WTIP: variants seen among roughly 807,000 people sequenced by gnomAD.
WTIP encodes WT1 interacting protein.
In WTIP, 23 loss-of-function variants were observed where a neutral mutation model predicts 41.7. That is an observed-to-expected ratio of 0.55 (90% CI 0.40 to 0.78). The LOEUF (loss-of-function observed/expected upper bound fraction) is 0.78. Ranked by LOEUF, WTIP falls within the 30% of genes least tolerant of loss-of-function variation. The pLI, the probability that WTIP is intolerant of heterozygous loss-of-function variation, is 0.00. For missense variants in WTIP, 619 were observed against 610.5 expected (o/e 1.01, Z -0.15); for synonymous variants, 314 against 269.9 (o/e 1.16, Z -1.60).
rs1035954383 is a variant in WTIP, at chr19:34,507,727, G to T, written c.*7458G>T. 2 of 152,336 alleles carry T rather than the reference G, an allele frequency of 1.3e-5. No homozygotes were observed. Among genetic ancestry groups the T allele is most frequent in the African/African-American group, 4.8e-5 (2 of 41,440 alleles). 9.4% of individuals were successfully genotyped at this position (152,336 alleles called of 1,614,324 possible). On this transcript the variant is annotated 3_prime_UTR_variant, in exon 8 of 8. Transcript: ENST00000590071. ...ATTGCATTATAGACTTGGACTAGGT[G>T]GATGCTATTTTTCATGGTGGTGGTG...
chr19:34,499,978 G>C, intron 7 of WTIP, 151 bp from the exon 8 acceptor site: 2 of 1,160,404 alleles, frequency 1.7e-6, no homozygotes, highest in Non-Finnish European at 2.4e-6. Flanking sequence ...TGGGATTACA[G>C]GTGTGAGCCC....
In WTIP at chr19:34,486,672, G is replaced by A. The variant is rs368694121; in HGVS notation, c.668-3704G>A. 2.6e-4 allele frequency among the ~76,000 whole-genome samples: 39 copies of A among 151,726 alleles called. No homozygotes were observed. The Middle Eastern group carries it at 0.017, about 68-fold the overall frequency. ...TGAGCCACCGCGCCTGGCCGCCTTT[G>A]TCAGTTTCCTCTCTTATTCTCTCAA... is the stretch of plus-strand genomic sequence containing the variant. On this transcript the variant is annotated intron_variant, in intron 1 of 7. Coordinates refer to ENST00000590071, the MANE Select transcript of WTIP (RefSeq NM_001080436.2).
Position 34,494,599 on chromosome 19 carries a change from A to G in WTIP, c.1045A>G (p.Lys349Glu). The G allele has an allele frequency of 6.2e-7, 1 of 1,613,728 alleles. No homozygotes were observed. The highest frequency in any genetic ancestry group is 8.5e-7 in the Non-Finnish European group (1 of 1,179,808). ...VRDYHTVFAP[K>E]CASCARPILP... ...TTATTTCTCTAGGGTTTTTGCACCA[A>G]AATGCGCCTCCTGTGCCCGTCCTAT... Residue 349 changes from lysine (K) to glutamate (E), a missense_variant, in exon 6 of 8, where the codon AAA (lysine) becomes GAA (glutamate). Lys to Glu is a moderately conservative substitution (Grantham distance 56). Around this residue, in one of 3 missense-constraint regions of WTIP, gnomAD observed 164 missense variants for 219.1 expected, o/e 0.75. Coordinates refer to ENST00000590071, the MANE Select transcript of WTIP (RefSeq NM_001080436.2).
rs1285406033 is a variant in WTIP, at chr19:34,501,049, G to C, written c.*780G>C. 6.5e-6 allele frequency: 1 copy of C among 152,708 alleles called. No homozygotes were observed. Among genetic ancestry groups the C allele is most frequent in the African/African-American group, 2.4e-5 (1 of 41,472 alleles). 9.5% of individuals were successfully genotyped at this position (152,708 alleles called of 1,614,324 possible). ...AGAGGGGCGCCCTGGCCACGCTTCA[G>C]GAAAGCCTGTGTCTGCGCGCGGGGC... On this transcript the variant is annotated 3_prime_UTR_variant, in exon 8 of 8. Coordinates refer to ENST00000590071, the MANE Select transcript of WTIP (RefSeq NM_001080436.2).
rs758989353 is a variant in WTIP, at chr19:34,493,299, G to GT, written c.875dup (p.Cys293ValfsTer29). 1 of 1,613,414 alleles carries GT rather than the reference G, an allele frequency of 6.2e-7. No individual in the cohort carries two copies. Among genetic ancestry groups the GT allele is most frequent in the South Asian group, 1.1e-5 (1 of 91,000 alleles). On this transcript the variant is annotated frameshift_variant, in exon 4 of 8. Transcript: ENST00000590071. LOFTEE classifies it high-confidence loss of function. The surrounding 1 kb of genome is among the most constrained non-coding windows in gnomAD (Gnocchi z 4.1). ...CCAGCAGACGGCCGACAAATGCAGC[G>GT]TGTGTGGACATCTCATCATGGAAAT...
rs1183194409 is a variant in WTIP, at chr19:34,481,866, G to C, written c.-109G>C. 1.6e-6 allele frequency: 1 copy of C among 623,962 alleles called. No homozygotes were observed. The highest frequency in any genetic ancestry group is 2.0e-5 in the African/African-American group (1 of 50,562). 38.7% of individuals were successfully genotyped at this position (623,962 alleles called of 1,614,324 possible). On this transcript the variant is annotated 5_prime_UTR_variant, in exon 1 of 8. Coordinates refer to ENST00000590071, the MANE Select transcript of WTIP (RefSeq NM_001080436.2). ...CCGGCCCCGCCCCGCCCCGCGCCCA[G>C]GGGTCCCGGGGCGGGCTCCGGGCTT...
intron 7 of WTIP, among the ~76,000 whole-genome samples, chr19:34,496,321 C>G (rs973254695): frequency 1.3e-5 from 2 of 152,186 alleles, no homozygotes; most frequent in Non-Finnish European, 2.9e-5. Context: ...CAGGCTCGCG[C>G]CGCCACATTC....
intron 7 of WTIP, among the ~76,000 whole-genome samples, chr19:34,498,150 C>T (rs1250032590): frequency 1.3e-5 from 2 of 152,098 alleles, no homozygotes; most frequent in Non-Finnish European, 2.9e-5. Flanking sequence ...CTGCGCAGGG[C>T]GGGCCAGGTG....
At position 34,504,153 on chromosome 19, in the gene WTIP, G is replaced by C. The variant is rs2075901192; in HGVS notation, c.*3884G>C. 1 of 152,146 alleles carries C rather than the reference G, an allele frequency of 6.6e-6. No individual in the cohort carries two copies. Among genetic ancestry groups the C allele is most frequent in the Non-Finnish European group, 1.5e-5 (1 of 68,064 alleles). The allele number at this position is 152,146 out of a possible 1,614,324, so 9.4% of individuals were successfully genotyped here. On this transcript the variant is annotated 3_prime_UTR_variant, in exon 8 of 8. Transcript: ENST00000590071. ...GGGAGAGATGGTGGGAGGTGGAGTG[G>C]GAGAGAGACCTGTTGTTTAAGAGGG... is the stretch of plus-strand genomic sequence containing the variant.
chr19:34,498,472 T>A (rs539457815), intron 7 of WTIP: 1 of 152,830 alleles, frequency 6.5e-6, no homozygotes, highest in South Asian at 2.1e-4. Flanking sequence ...GTCTTCACTT[T>A]CGTTTCTCCT....
chr19:34,482,111 C>G lies in WTIP; in HGVS notation c.137C>G (p.Ala46Gly). 1 of 1,045,248 alleles carries G rather than the reference C, an allele frequency of 9.6e-7. No individual in the cohort carries two copies. Among genetic ancestry groups the G allele is most frequent in the Non-Finnish European group, 1.1e-6 (1 of 870,308 alleles). 64.7% of individuals were successfully genotyped at this position (1,045,248 alleles called of 1,614,324 possible). Reference sequence around the variant, plus strand: ...CGGCCTGGGCCTGGAGACGAGGCGGCGCCCGCGCTGGGCCGCAGAGGGAAG... The same window carrying G: ...CGGCCTGGGCCTGGAGACGAGGCGGGGCCCGCGCTGGGCCGCAGAGGGAAG... ...GPRPGPGDEA[A>G]PALGRRGKGS... is the part of the protein sequence containing the mutation. Residue 46 changes from alanine (A) to glycine (G), a missense_variant, in exon 1 of 8, where the codon GCG becomes GGG. Physicochemically the swap from Ala to Gly is moderately conservative, Grantham distance 60. Around this residue, in one of 3 missense-constraint regions of WTIP, gnomAD observed 363 missense variants for 309.0 expected, o/e 1.17. Coordinates refer to ENST00000590071, the MANE Select transcript of WTIP (RefSeq NM_001080436.2).
chr19:34,498,605 A>T (rs535612971), intron 7 of WTIP: 2 of 152,460 alleles, frequency 1.3e-5, no homozygotes, highest in East Asian at 1.9e-4. Flanking sequence ...TTTTGTCTTT[A>T]AAAACCATCA....
At chr19:34,482,784 A>T in intron 1 of WTIP, 143 bp downstream of exon 1, 2 of 1,201,362 alleles carry the variant, frequency 1.7e-6, no homozygotes, top group Non-Finnish European at 2.1e-6. Context: ...GGGACGAGGA[A>T]GGTGCATCCC....
chr19:34,510,757 G>C lies in WTIP; in HGVS notation c.*10488G>C, dbSNP rs569928220. On this transcript the variant is annotated 3_prime_UTR_variant, in exon 8 of 8. Coordinates refer to ENST00000590071, the MANE Select transcript of WTIP (RefSeq NM_001080436.2). Reference sequence around the variant, plus strand: ...TTCTGCTTAGAAATTTCTTCTGCCAGATACCCTAAATTATCTCTCTCAAGT... The same window carrying C: ...TTCTGCTTAGAAATTTCTTCTGCCACATACCCTAAATTATCTCTCTCAAGT... 6.6e-5 allele frequency: 10 copies of C among 152,258 alleles called. No individual in the cohort carries two copies. Among genetic ancestry groups the C allele is most frequent in the African/African-American group, 1.2e-4 (5 of 41,546 alleles). The allele number at this position is 152,258 out of a possible 1,614,324, so 9.4% of individuals were successfully genotyped here.
Position 34,500,214 on chromosome 19 carries a change from G to A in WTIP, c.1238G>A (p.Arg413Gln). The change falls in exon 8 of 8, where the codon CGG becomes CAG. Residue 413 changes from arginine (R) to glutamine (Q), a missense_variant. Coordinates refer to ENST00000590071, the MANE Select transcript of WTIP (RefSeq NM_001080436.2). ...CTACTGTGTCGTCGTTGCCACCTGC[G>A]GCGCCTCCAACCTGGGCCTCTTCCC... is the stretch of plus-strand genomic sequence containing the variant. ...GHLLCRRCHL[R>Q]RLQPGPLPSP... 1 of 1,606,756 alleles carries A rather than the reference G, an allele frequency of 6.2e-7. No individual in the cohort carries two copies. Among genetic ancestry groups the A allele is most frequent in the Non-Finnish European group, 8.5e-7 (1 of 1,179,576 alleles).
rs937422524 is a variant in WTIP, at chr19:34,508,728, C to T, written c.*8459C>T. On this transcript the variant is annotated 3_prime_UTR_variant, in exon 8 of 8. Transcript: ENST00000590071. ...CTGGGACTGGAAGTTCCTAGGAGTC[C>T]GGAAGTGCTGAGCTGCAGGAGGCTT... 19 of 152,334 alleles carry T rather than the reference C, an allele frequency of 1.2e-4. No individual in the cohort carries two copies. The highest frequency in any genetic ancestry group is 1.3e-4 in the Admixed American group (2 of 15,274). 9.4% of individuals were successfully genotyped at this position (152,334 alleles called of 1,614,324 possible).
Position 34,482,156 on chromosome 19 carries a change from C to T in WTIP, c.182C>T (p.Ala61Val). ...GGGAAGGGCAGCGGCGGCCCCGAGG[C>T]CGGGGCGGACGGACTGAGCCGCGGG... ...RRGKGSGGPE[A>V]GADGLSRGER... The change falls in exon 1 of 8, where the codon GCC (alanine) becomes GTC (valine). Residue 61 changes from alanine (A) to valine (V), a missense_variant. Ala to Val is a moderately conservative substitution (Grantham distance 64, BLOSUM62 0). Around this residue, in one of 3 missense-constraint regions of WTIP, gnomAD observed 363 missense variants for 309.0 expected, o/e 1.17. Transcript: ENST00000590071. The T allele has an allele frequency of 9.3e-7, 1 of 1,072,682 alleles. No individual in the cohort carries two copies. The highest frequency in any genetic ancestry group is 1.1e-6 in the Non-Finnish European group (1 of 888,190). The allele number at this position is 1,072,682 out of a possible 1,614,324, so 66.4% of individuals were successfully genotyped here. A position where few individuals can be genotyped will look rare whatever the true frequency, so the allele number is the denominator to read the frequency against.
At chr19:34,486,935 A>ATT (rs111775806) in intron 1 of WTIP, among the ~76,000 whole-genome samples, 115 of 145,752 alleles carry the variant, frequency 7.9e-4, no homozygotes, top group Middle Eastern at 3.5e-3. Flanking sequence ...TTTCTTTTTA[A>ATT]TTTTTTTTTT....
chr19:34,482,419 T>C lies in WTIP; in HGVS notation c.445T>C (p.Ser149Pro). The C allele has an allele frequency of 7.4e-7, 1 of 1,351,452 alleles. No individual in the cohort carries two copies. Among genetic ancestry groups the C allele is most frequent in the South Asian group, 1.6e-5 (1 of 62,752 alleles). 83.7% of individuals were successfully genotyped at this position (1,351,452 alleles called of 1,614,324 possible). A position where few individuals can be genotyped will look rare whatever the true frequency, so the allele number is the denominator to read the frequency against. ...CCGCTCCAGCGTTTCCAGCCTCGGC[T>C]CCCGGGGCTCGGCCGGCGCCTACGC... ...SARSSVSSLG[S>P]RGSAGAYADF... Residue 149 changes from serine (S) to proline (P), a missense_variant, in exon 1 of 8, where the codon TCC (serine) becomes CCC (proline). Ser to Pro is a moderately conservative substitution (Grantham distance 74, BLOSUM62 -1). Transcript: ENST00000590071.
Sources: allele counts gnomAD v4.1 joint callset (sites outside exome capture counted in the v4.1 genomes callset), GRCh38; gene constraint gnomAD v4.1.1; regional missense constraint gnomAD v4.1.1; non-coding constraint Gnocchi (gnomAD v3.1); transcripts MANE v1.5; gene names NCBI Gene and HGNC (gene_info 2026-07-23, HGNC 2026-07-21).